Variants in XRN1 observed in about 807,000 individuals in gnomAD.
XRN1 encodes the protein strand-exchange protein 1 homolog.
Under a neutral mutation model 222.3 loss-of-function variants are expected in XRN1, and 67 were observed. The ratio of observed to expected loss-of-function variants is 0.30; its 90% CI spans 0.25 to 0.37. The LOEUF is 0.37. Among genes scored for constraint, XRN1 ranks in the 10% least tolerant of loss-of-function variants. XRN1 has a pLI of 1.00. For missense variants in XRN1, 1,707 were observed against 2,000.2 expected, an observed-to-expected ratio of 0.85 and a Z score of 2.80; for synonymous variants, 643 against 652.4, an observed-to-expected ratio of 0.99 and a Z score of 0.22.
chr3:142,397,319 C>T lies in XRN1; in HGVS notation c.2339+10G>A, dbSNP rs374740660. ...GTTCCATGATATTAAATACTTTTAA[C>T]GATACTCACTGTTCTGAAATTCCTT... On this transcript the variant is annotated intron_variant, in intron 20 of 40. Transcript: ENST00000392981. The T allele has an allele frequency of 2.5e-5, 39 of 1,569,984 alleles. No individual in the cohort carries two copies. The highest frequency in any genetic ancestry group is 1.7e-4 in the Middle Eastern group (1 of 5,848).
chr3:142,379,580 G>A (rs2067241626), intron 23 of XRN1, among the ~76,000 whole-genome samples: 1 of 152,122 alleles, frequency 6.6e-6, no homozygotes, highest in Non-Finnish European at 1.5e-5. Flanking sequence ...ATTTTAACAA[G>A]AGAAAAGAAC....
At chr3:142,366,684 A>T (rs1009261431) in intron 27 of XRN1, among the ~76,000 whole-genome samples, 2 of 152,188 alleles carry the variant, frequency 1.3e-5, no homozygotes, top group Admixed American at 6.5e-5. Flanking sequence ...ATGACAAAGT[A>T]TCTATGCCCA....
intron 1 of XRN1, among the ~76,000 whole-genome samples, chr3:142,433,983 A>C (rs1213461173): frequency 1.3e-5 from 2 of 152,226 alleles, no homozygotes; most frequent in Non-Finnish European, 2.9e-5. Flanking sequence ...ATGTACAAGC[A>C]TAACATAAAA....
At chr3:142,433,710 T>C (rs2069731293) in intron 1 of XRN1, among the ~76,000 whole-genome samples, 1 of 152,232 alleles carries the variant, frequency 6.6e-6, no homozygotes, top group Non-Finnish European at 1.5e-5. Flanking sequence ...TATTTTGTAC[T>C]GTAATAAAAG....
At chr3:142,446,564 T>C (rs1182060942) in intron 1 of XRN1, among the ~76,000 whole-genome samples, 1 of 152,176 alleles carries the variant, frequency 6.6e-6, no homozygotes, top group East Asian at 1.9e-4. Context: ...AATAAAAATA[T>C]TACTGAACAA....
chr3:142,400,918 A>AAAAT (rs1192136591), intron 18 of XRN1, among the ~76,000 whole-genome samples: 38 of 152,256 alleles, frequency 2.5e-4, no homozygotes, highest in African/African-American at 6.3e-4. Context: ...CTCCGTCTCA[A>AAAAT]AAATAAATAA....
chr3:142,429,458 C>T (rs1236588931), intron 2 of XRN1, among the ~76,000 whole-genome samples: 2 of 151,798 alleles, frequency 1.3e-5, no homozygotes, highest in Non-Finnish European at 2.9e-5. Flanking sequence ...TGGATTTAGC[C>T]GTAATCTTGT....
intron 31 of XRN1, 128 bp downstream of exon 31, chr3:142,356,784 T>A: frequency 1.1e-6 from 1 of 926,380 alleles, no homozygotes; most frequent in East Asian, 2.7e-5. Context: ...AATTTGGAAT[T>A]GACCTGAGCC....
intron 33 of XRN1, among the ~76,000 whole-genome samples, chr3:142,342,674 C>T (rs1003925472): frequency 5.9e-5 from 9 of 152,146 alleles, no homozygotes; most frequent in African/African-American, 1.2e-4. Context: ...CAAGAACATA[C>T]ATTGGGGAGA....
At chr3:142,431,864 A>ATTAT (rs1559879257) in intron 2 of XRN1, among the ~76,000 whole-genome samples, 4 of 27,352 alleles carry the variant, frequency 1.5e-4, no homozygotes, top group African/African-American at 1.0e-3. Context: ...TATTATATAT[A>ATTAT]ATATATTATA....
intron 39 of XRN1, among the ~76,000 whole-genome samples, chr3:142,313,897 G>A (rs2065139680): frequency 6.6e-6 from 1 of 152,136 alleles, no homozygotes; most frequent in African/African-American, 2.4e-5. Context: ...CCAAGATCAT[G>A]TCACTGCACT....
At chr3:142,383,543 A>G (rs1183340854) in intron 21 of XRN1, 130 bp from the exon 22 acceptor site, 1 of 763,586 alleles carries the variant, frequency 1.3e-6, no homozygotes, top group East Asian at 2.7e-5. Flanking sequence ...TAATGCCAAG[A>G]GCTAAAATTT....
At chr3:142,442,065 T>C (rs1483257748) in intron 1 of XRN1, among the ~76,000 whole-genome samples, 1 of 152,192 alleles carries the variant, frequency 6.6e-6, no homozygotes, top group Non-Finnish European at 1.5e-5. Context: ...AGTGCTCAGC[T>C]GGCAAAACTA....
intron 12 of XRN1, 141 bp from the exon 13 acceptor site, chr3:142,417,370 A>C: frequency 1.5e-6 from 1 of 675,082 alleles, no homozygotes; most frequent in Non-Finnish European, 2.4e-6. Context: ...AAAAATTATA[A>C]TCCTAAAAAC....
At chr3:142,444,655 T>C (rs1343715276) in intron 1 of XRN1, among the ~76,000 whole-genome samples, 2 of 152,118 alleles carry the variant, frequency 1.3e-5, no homozygotes, top group Admixed American at 6.6e-5. Flanking sequence ...TACTATGTGA[T>C]AGCACAACAG....
chr3:142,326,891 T>C (rs955185310), intron 37 of XRN1, among the ~76,000 whole-genome samples: 62 of 152,318 alleles, frequency 4.1e-4, no homozygotes, highest in African/African-American at 1.5e-3. Context: ...ATATGGTTTT[T>C]GTTCTTCATT....
At chr3:142,321,323 G>A (rs919313654) in intron 37 of XRN1, among the ~76,000 whole-genome samples, 2 of 151,998 alleles carry the variant, frequency 1.3e-5, no homozygotes, top group African/African-American at 4.8e-5. Context: ...GTTTCACCAT[G>A]TTGGCCAGGC....
chr3:142,376,923 GT>G (rs2067161041), intron 23 of XRN1, among the ~76,000 whole-genome samples: 1 of 151,990 alleles, frequency 6.6e-6, no homozygotes. Context: ...TTTTTTGTTT[GT>G]TTTTGTTTTC....
At chr3:142,344,672 A>C (rs2066090022) in intron 33 of XRN1, among the ~76,000 whole-genome samples, 1 of 152,182 alleles carries the variant, frequency 6.6e-6, no homozygotes. Context: ...AAAGAGTAAA[A>C]TATTTAGGAA....
Sources: gnomAD v4.1 joint callset for allele counts (sites outside exome capture counted in the v4.1 genomes callset) on GRCh38, gnomAD v4.1.1 for gene constraint, MANE v1.5 for transcripts, NCBI Gene and HGNC (gene_info 2026-07-23, HGNC 2026-07-21) for gene names.